LYG1: variants seen among roughly 807,000 people sequenced by gnomAD.
LYG1 encodes lysozyme g1.
In LYG1, 17 loss-of-function variants were observed where a neutral mutation model predicts 21.7. The observed-to-expected ratio is 0.78, with a 90% CI of 0.54 to 1.18. The LOEUF (loss-of-function observed/expected upper bound fraction) is 1.18, where lower values mean the gene tolerates loss of function less well. LYG1 is among the 50% of genes most tolerant of loss of function. The probability of loss-of-function intolerance (pLI) is 0.00; values close to 1 mark genes in which losing one functional copy is unlikely to be tolerated. For synonymous variants in LYG1, 81 were observed against 87.4 expected, an observed-to-expected ratio of 0.93 and a Z score of 0.41; for missense variants, 211 against 238.1, an observed-to-expected ratio of 0.89 and a Z score of 0.75.
Position 99,284,336 on chromosome 2 carries a change from T to C in LYG1, c.*57A>G. The C allele has an allele frequency of 6.7e-7, 1 of 1,492,826 alleles. No individual in the cohort carries two copies. The highest frequency in any genetic ancestry group is 2.3e-5 in the East Asian group (1 of 43,886). The allele number at this position is 1,492,826 out of a possible 1,614,324, so 92.5% of individuals were successfully genotyped here. A position where few individuals can be genotyped will look rare whatever the true frequency, so the allele number is the denominator to read the frequency against. ...TTACAGGTGCCCTTGGCTAGTTTTATCTGTGTAACATTTGAGGCTGCATAT... is the reference window on the plus strand; with the variant it reads ...TTACAGGTGCCCTTGGCTAGTTTTACCTGTGTAACATTTGAGGCTGCATAT... On this transcript the variant is annotated 3_prime_UTR_variant, in exon 7 of 7. Transcript: ENST00000308528.
chr2:99,291,187 G>C, intron 5 of LYG1, 50 bp downstream of exon 5: 1 of 1,567,010 alleles, frequency 6.4e-7, no homozygotes, highest in Non-Finnish European at 8.7e-7. Context: ...AAACAAAGCA[G>C]TGGTGCCACA....
chr2:99,298,882 CTTTT>C, intron 1 of LYG1, among the ~76,000 whole-genome samples: 1 of 152,044 alleles, frequency 6.6e-6, no homozygotes, highest in East Asian at 1.9e-4. Context: ...ACAGGCCTTT[CTTTT>C]TTTAATTTTT....
chr2:99,300,157 T>A lies in LYG1; in HGVS notation c.-124+893A>T, dbSNP rs572930080. 2.6e-4 allele frequency among the ~76,000 whole-genome samples: 40 copies of A among 152,304 alleles called. No homozygotes were observed. In the South Asian group the frequency reaches 8.1e-3, roughly 31 times the overall value. On this transcript the variant is annotated intron_variant, in intron 1 of 6. Coordinates refer to ENST00000308528, the MANE Select transcript of LYG1 (RefSeq NM_174898.3). Reference sequence around the variant, plus strand: ...CAACAGGAAGGCTCATTTTAAGCTGTTACGCTGCGTAGAGCTGCACCTTCA... The same window carrying A: ...CAACAGGAAGGCTCATTTTAAGCTGATACGCTGCGTAGAGCTGCACCTTCA...
At chr2:99,295,499 G>A in intron 3 of LYG1, 129 bp downstream of exon 3, 2 of 1,152,944 alleles carry the variant, frequency 1.7e-6, no homozygotes, top group Non-Finnish European at 2.6e-6. Flanking sequence ...CCTAACTCCA[G>A]GATTTGTTGG....
In LYG1 at chr2:99,298,487, C is replaced by T. The variant is rs1317347260; in HGVS notation, c.-61G>A. 6.6e-6 allele frequency: 1 copy of T among 152,170 alleles called. No individual in the cohort carries two copies. Among genetic ancestry groups the T allele is most frequent in the African/African-American group, 2.4e-5 (1 of 41,428 alleles). The allele number at this position is 152,170 out of a possible 1,614,324, so 9.4% of individuals were successfully genotyped here. On this transcript the variant is annotated 5_prime_UTR_variant, in exon 2 of 7. An upstream open reading frame in the 5' UTR gains an earlier in-frame stop. Coordinates refer to ENST00000308528, the MANE Select transcript of LYG1 (RefSeq NM_174898.3). ...CTCTCCACTGAGTACTTTGGAATTCCCAAAGCACTGTGTAAGTTTGTAAGG... is the reference window on the plus strand; with the variant it reads ...CTCTCCACTGAGTACTTTGGAATTCTCAAAGCACTGTGTAAGTTTGTAAGG...
At chr2:99,294,495 TA>T (rs2094130424) in intron 3 of LYG1, among the ~76,000 whole-genome samples, 1 of 138,796 alleles carries the variant, frequency 7.2e-6, no homozygotes, top group South Asian at 2.2e-4. Flanking sequence ...TACTAAAAAT[TA>T]AACCAGCTGA....
chr2:99,295,564 C>T (rs772371026), intron 3 of LYG1, 64 bp downstream of exon 3: 29 of 1,551,188 alleles, frequency 1.9e-5, no homozygotes, highest in Admixed American at 1.7e-4. Flanking sequence ...TTAGAAGTGC[C>T]ATTGTGTTCC....
chr2:99,291,721 T>C (rs1195524271), intron 4 of LYG1, among the ~76,000 whole-genome samples: 3 of 152,206 alleles, frequency 2.0e-5, no homozygotes, highest in East Asian at 1.9e-4. Flanking sequence ...ATAGGAACCA[T>C]TGGTCCCATT....
intron 1 of LYG1, among the ~76,000 whole-genome samples, chr2:99,299,217 G>A (rs1022981445): frequency 7.9e-5 from 12 of 150,966 alleles, no homozygotes; most frequent in African/African-American, 2.7e-4. Flanking sequence ...ATGAGCCACC[G>A]CGCCCAGCCC....
upstream of LYG1, among the ~76,000 whole-genome samples, chr2:99,303,910 G>A (rs918708849): frequency 3.3e-5 from 5 of 151,786 alleles, no homozygotes; most frequent in African/African-American, 2.4e-5. Flanking sequence ...GGTGGCTCAC[G>A]CCTGTAATCC....
upstream of LYG1, among the ~76,000 whole-genome samples, chr2:99,302,073 C>T (rs143632513): frequency 6.6e-6 from 1 of 152,210 alleles, no homozygotes; most frequent in Non-Finnish European, 1.5e-5. Context: ...CCATTCTTTG[C>T]ACTAGGCATT....
At chr2:99,298,936 G>C (rs2094145536) in intron 1 of LYG1, among the ~76,000 whole-genome samples, 1 of 151,548 alleles carries the variant, frequency 6.6e-6, no homozygotes, top group Admixed American at 6.6e-5. Flanking sequence ...GTTGGGTTTT[G>C]CTTTGTTTTG....
Position 99,292,602 on chromosome 2 carries a change from T to TGTTTCCATAGC in LYG1, c.71_81dup (p.Ile28AlafsTer23), listed in dbSNP as rs2105295842. 2 of 1,614,198 alleles carry TGTTTCCATAGC rather than the reference T, an allele frequency of 1.2e-6. No homozygotes were observed. The highest frequency in any genetic ancestry group is 1.7e-5 in the Admixed American group (1 of 60,014). Reference sequence around the variant, plus strand: ...GCTCCAGGGGTGTCCAGGCTTTGGATGTTTCCATAGCATCCCCAGTTGCTG... The same window carrying TGTTTCCATAGC: ...GCTCCAGGGGTGTCCAGGCTTTGGATGTTTCCATAGCGTTTCCATAGCATCCCCAGTTGCTG... On this transcript the variant is annotated frameshift_variant, in exon 4 of 7. Transcript: ENST00000308528. LOFTEE classifies it high-confidence loss of function.
At chr2:99,301,295 T>C (rs1574892895), upstream of LYG1, 1 of 152,014 alleles carries the variant, frequency 6.6e-6, no homozygotes, top group African/African-American at 2.4e-5. Flanking sequence ...AGAAGGCAGA[T>C]CCTAGTTGTA....
chr2:99,294,656 A>G (rs2094131162), intron 3 of LYG1, among the ~76,000 whole-genome samples: 1 of 152,178 alleles, frequency 6.6e-6, no homozygotes, highest in Non-Finnish European at 1.5e-5. Context: ...AATTCTTTGT[A>G]TTCCCAATGC....
At chr2:99,285,380 TAA>T (rs199643971) in intron 5 of LYG1, among the ~76,000 whole-genome samples, 32 of 137,210 alleles carry the variant, frequency 2.3e-4, no homozygotes, top group Non-Finnish European at 2.1e-4. Flanking sequence ...GACCCTGTCT[TAA>T]AAAAAAAAAA....
At chr2:99,286,579 C>T (rs576627671) in intron 5 of LYG1, among the ~76,000 whole-genome samples, 42 of 152,196 alleles carry the variant, frequency 2.8e-4, no homozygotes, top group South Asian at 4.2e-4. Flanking sequence ...TGGTGGGCGC[C>T]TGTAATCCCA....
chr2:99,301,419 G>A (rs1480215866), upstream of LYG1, among the ~76,000 whole-genome samples: 3 of 148,246 alleles, frequency 2.0e-5, no homozygotes, highest in East Asian at 2.0e-4. Flanking sequence ...GAGAGAGAGT[G>A]AGAAGGAGAG....
chr2:99,284,840 G>C lies in LYG1; in HGVS notation c.334-20C>G, dbSNP rs1220529699. 4 of 1,610,990 alleles carry C rather than the reference G, an allele frequency of 2.5e-6. No individual in the cohort carries two copies. The highest frequency in any genetic ancestry group is 3.4e-6 in the Non-Finnish European group (4 of 1,179,012). On this transcript the variant is annotated intron_variant, in intron 5 of 6. Coordinates refer to ENST00000308528, the MANE Select transcript of LYG1 (RefSeq NM_174898.3). ...AGGGTCCTGCAGGGAAGGAGGCAGA[G>C]AAGAAGCCACGTAAGCTGGGTGGGA...
Sources: allele counts gnomAD v4.1 joint callset (sites outside exome capture counted in the v4.1 genomes callset), GRCh38; gene constraint gnomAD v4.1.1; transcripts MANE v1.5; gene names NCBI Gene and HGNC (gene_info 2026-07-23, HGNC 2026-07-21).